Variants in EEA1 observed in about 807,000 individuals in gnomAD.
EEA1 encodes early endosome antigen 1, also known as early endosome antigen 1, 162kD.
A neutral mutation model predicts 209.2 loss-of-function variants in EEA1; 111 were observed. That is an observed-to-expected ratio of 0.53 (90% CI 0.45 to 0.62). The LOEUF (loss-of-function observed/expected upper bound fraction) is 0.62. Among genes scored for constraint, EEA1 ranks in the 20% least tolerant of loss-of-function variants. The pLI, the probability that EEA1 is intolerant of heterozygous loss-of-function variation, is 0.00. For synonymous variants in EEA1, 536 were observed against 540.6 expected, an observed-to-expected ratio of 0.99 and a Z score of 0.12; for missense variants, 1,343 against 1,530.8, an observed-to-expected ratio of 0.88 and a Z score of 2.05.
chr12:92,866,162 A>G (rs1878384633), intron 2 of EEA1, among the ~76,000 whole-genome samples: 1 of 127,036 alleles, frequency 7.9e-6, no homozygotes, highest in Admixed American at 9.7e-5. Context: ...ACTGTACTCC[A>G]GCCTGGGTGA....
chr12:92,781,619 A>G (rs1873905508), intron 23 of EEA1, among the ~76,000 whole-genome samples: 1 of 152,232 alleles, frequency 6.6e-6, no homozygotes. Flanking sequence ...TATCTCATTC[A>G]CACATCTAAA....
rs1877212475 is a variant in EEA1 at position 92,842,556 on chromosome 12, T to C, written c.824A>G (p.Glu275Gly). Reference protein sequence around the residue: ...SEATISQLRSELAKGPQEVAV... With the variant: ...SEATISQLRSGLAKGPQEVAV... ...AACTTCCTGGGGGCCTTTGGCAAGT[T>C]CACTCCTTAGCTGGCTTATTGTGGC... The change falls in exon 10 of 29, where the codon GAA becomes GGA. Residue 275 changes from glutamate (E) to glycine (G), a missense_variant. Coordinates refer to ENST00000322349, the MANE Select transcript of EEA1 (RefSeq NM_003566.4). 6.2e-7 allele frequency: 1 copy of C among 1,605,678 alleles called. No individual in the cohort carries two copies. Among genetic ancestry groups the C allele is most frequent in the Middle Eastern group, 1.7e-4 (1 of 6,018 alleles).
intron 1 of EEA1, among the ~76,000 whole-genome samples, chr12:92,906,655 A>C (rs1257196233): frequency 6.6e-6 from 1 of 152,158 alleles, no homozygotes; most frequent in Non-Finnish European, 1.5e-5. Context: ...TACTAAAAAC[A>C]CAAAAAAGGT....
chr12:92,881,430 G>A (rs546575056), intron 2 of EEA1, among the ~76,000 whole-genome samples: 3 of 151,996 alleles, frequency 2.0e-5, no homozygotes, highest in Admixed American at 1.3e-4. Context: ...AAGAAGGAAC[G>A]GAGGGAAGGA....
intron 9 of EEA1, 70 bp from the exon 10 acceptor site, chr12:92,842,651 T>A: frequency 1.0e-6 from 1 of 972,050 alleles, no homozygotes; most frequent in Non-Finnish European, 1.5e-6. Context: ...AATGAAAGTA[T>A]ATAAAGGTTT....
At chr12:92,842,617 C>T in intron 9 of EEA1, 36 bp from the exon 10 acceptor site, 2 of 1,203,344 alleles carry the variant, frequency 1.7e-6, no homozygotes, top group South Asian at 2.8e-5. Flanking sequence ...TTAAAGCAAA[C>T]TAAATTGTCT....
chr12:92,773,037 G>A lies in EEA1; in HGVS notation c.*2974C>T, dbSNP rs544564465. 2.0e-5 allele frequency: 3 copies of A among 152,158 alleles called. No homozygotes were observed. Among genetic ancestry groups the A allele is most frequent in the South Asian group, 2.1e-4 (1 of 4,826 alleles). 9.4% of individuals were successfully genotyped at this position (152,158 alleles called of 1,614,324 possible). On this transcript the variant is annotated 3_prime_UTR_variant, in exon 29 of 29. Transcript: ENST00000322349. ...ATTAAGACACAATAATGTGTGGCAC[G>A]TTATAATTACAGAATACCATTCATC...
chr12:92,789,424 C>T (rs1874294806), intron 21 of EEA1, among the ~76,000 whole-genome samples: 1 of 152,160 alleles, frequency 6.6e-6, no homozygotes, highest in African/African-American at 2.4e-5. Flanking sequence ...TGCAACCTCT[C>T]CATCTGAACT....
chr12:92,807,145 G>A (rs2136671393), intron 18 of EEA1, among the ~76,000 whole-genome samples: 1 of 152,158 alleles, frequency 6.6e-6, no homozygotes, highest in Non-Finnish European at 1.5e-5. Flanking sequence ...GTGGAGACGA[G>A]GTTTCACCCT....
At chr12:92,906,376 G>C (rs1368848534) in intron 1 of EEA1, among the ~76,000 whole-genome samples, 1 of 152,020 alleles carries the variant, frequency 6.6e-6, no homozygotes, top group Non-Finnish European at 1.5e-5. Context: ...TTACAGGCAT[G>C]AGTCATCATG....
chr12:92,842,601 C>A lies in EEA1; in HGVS notation c.799-20G>T. On this transcript the variant is annotated intron_variant, in intron 9 of 28. Coordinates refer to ENST00000322349, the MANE Select transcript of EEA1 (RefSeq NM_003566.4). ...TGTGGCCTAACAAAACAAAACAAAA[C>A]AAAAATTAAAGCAAACTAAATTGTC... 4 of 1,372,522 alleles carry A rather than the reference C, an allele frequency of 2.9e-6. No homozygotes were observed. Among genetic ancestry groups the A allele is most frequent in the Non-Finnish European group, 3.0e-6 (3 of 987,122 alleles). The allele number at this position is 1,372,522 out of a possible 1,614,324, so 85.0% of individuals were successfully genotyped here. A position where few individuals can be genotyped will look rare whatever the true frequency, so the allele number is the denominator to read the frequency against.
At chr12:92,912,844 C>G (rs1226867667) in intron 1 of EEA1, among the ~76,000 whole-genome samples, 1 of 152,156 alleles carries the variant, frequency 6.6e-6, no homozygotes, top group Non-Finnish European at 1.5e-5. Flanking sequence ...GCCTCCAGTT[C>G]CATCCCTGTT....
At chr12:92,863,843 C>A (rs1376726735) in intron 3 of EEA1, among the ~76,000 whole-genome samples, 1 of 152,046 alleles carries the variant, frequency 6.6e-6, no homozygotes, top group African/African-American at 2.4e-5. Flanking sequence ...AAGGGTAGAC[C>A]GTGGATGCTT....
intron 1 of EEA1, among the ~76,000 whole-genome samples, chr12:92,898,719 TCCTTTTTTTC>T (rs1592766058): frequency 2.7e-5 from 4 of 147,976 alleles, no homozygotes; most frequent in Admixed American, 6.8e-5. Context: ...CTTTTTTTTT[TCCTTTTTTTC>T]CCTTTTTTTT....
Position 92,819,309 on chromosome 12 carries a change from T to C in EEA1, c.1727A>G (p.Gln576Arg). Residue 576 changes from glutamine to arginine, a missense_variant and splice_region_variant, in exon 14 of 29, where the codon CAA becomes CGA. By Grantham distance (43) the Gln-to-Arg change is conservative. Transcript: ENST00000322349. ...ATATAATATATTTTACAAGCTTACT[T>C]GCTCCTGTAGTGTATGGTTTTTTTC... ...LQEKNHTLQEQVTQLTEKLKN... is the reference protein window; with the variant it reads ...LQEKNHTLQERVTQLTEKLKN... 6.3e-7 allele frequency: 1 copy of C among 1,583,912 alleles called. No homozygotes were observed. Among genetic ancestry groups the C allele is most frequent in the Non-Finnish European group, 8.6e-7 (1 of 1,168,560 alleles).
At position 92,811,399 on chromosome 12, in the gene EEA1, G is replaced by T; in HGVS notation, c.2079C>A (p.Val693=). The change falls in exon 17 of 29, where the codon GTC becomes GTA. Residue 693 remains valine, a synonymous_variant. Coordinates refer to ENST00000322349, the MANE Select transcript of EEA1 (RefSeq NM_003566.4). ...CTTGCTTGTCTTGTAACTTTGCAGT[G>T]ACCTGATCCAACTGAGTAGTAATCT... The part of the protein sequence containing the change: ...LNKITTQLDQ[V]TAKLQDKQEH... The T allele has an allele frequency of 6.3e-7, 1 of 1,593,386 alleles. No homozygotes were observed. The highest frequency in any genetic ancestry group is 1.4e-5 in the African/African-American group (1 of 73,838).
chr12:92,840,676 T>A (rs755289390), intron 10 of EEA1, among the ~76,000 whole-genome samples: 1 of 152,230 alleles, frequency 6.6e-6, no homozygotes, highest in Non-Finnish European at 1.5e-5. Context: ...AAAACAAAGT[T>A]GAAGGCTTAT....
chr12:92,848,811 C>T (rs925371829), intron 9 of EEA1, among the ~76,000 whole-genome samples: 1 of 139,908 alleles, frequency 7.1e-6, no homozygotes, highest in Non-Finnish European at 1.5e-5. Flanking sequence ...TGGCTCACTG[C>T]AGCCTCAACC....
chr12:92,922,100 C>T (rs1295540460), intron 1 of EEA1, among the ~76,000 whole-genome samples: 2 of 152,072 alleles, frequency 1.3e-5, no homozygotes, highest in South Asian at 2.1e-4. Context: ...TTATTTGACT[C>T]AACTTCTCTT....
Sources: gnomAD v4.1 joint callset for allele counts (sites outside exome capture counted in the v4.1 genomes callset) on GRCh38, gnomAD v4.1.1 for gene constraint, MANE v1.5 for transcripts, NCBI Gene and HGNC (gene_info 2026-07-23, HGNC 2026-07-21) for gene names.